PTK2: variants seen among roughly 807,000 people sequenced by gnomAD.
PTK2 encodes protein tyrosine kinase 2.
In PTK2, 45 loss-of-function variants were observed where a neutral mutation model predicts 150.1. That is an observed-to-expected ratio of 0.30 (90% CI 0.24 to 0.38). PTK2 has a LOEUF of 0.38. PTK2 is among the 10% of genes least tolerant of loss of function. The probability of loss-of-function intolerance (pLI) is 1.00; values close to 1 mark genes in which losing one functional copy is unlikely to be tolerated. For synonymous variants in PTK2, 432 were observed against 449.2 expected (o/e 0.96, Z 0.48); for missense variants, 919 against 1,307.3 (o/e 0.70, Z 4.58).
intron 31 of PTK2, chr8:140,662,993 T>C (rs1474654976): frequency 7.6e-6 from 3 of 394,328 alleles, no homozygotes; most frequent in South Asian, 1.0e-4. Flanking sequence ...AGTGTAATCC[T>C]GGTCTGGCTC....
At chr8:140,727,027 G>A (rs2100046268) in intron 22 of PTK2, among the ~76,000 whole-genome samples, 1 of 152,156 alleles carries the variant, frequency 6.6e-6, no homozygotes, top group Non-Finnish European at 1.5e-5. Context: ...ACTAAACTAT[G>A]AAAAGTTAAG....
intron 2 of PTK2, chr8:140,920,865 T>C: frequency 6.5e-7 from 1 of 1,529,062 alleles, no homozygotes; most frequent in African/African-American, 1.4e-5. Context: ...TCCATATAGA[T>C]GGCACCTGCT....
At chr8:140,679,682 G>A (rs2100015982) in intron 27 of PTK2, among the ~76,000 whole-genome samples, 1 of 152,136 alleles carries the variant, frequency 6.6e-6, no homozygotes, top group Non-Finnish European at 1.5e-5. Context: ...AAATGAACAT[G>A]CTGTCAACCT....
chr8:140,958,859 C>A (rs140363895), intron 1 of PTK2, among the ~76,000 whole-genome samples: 170 of 152,232 alleles, frequency 1.1e-3, no homozygotes, highest in African/African-American at 3.9e-3. Flanking sequence ...CACCGTTATA[C>A]CAGTTTTATT....
At chr8:140,848,071 C>T (rs908188750) in intron 5 of PTK2, among the ~76,000 whole-genome samples, 1 of 152,182 alleles carries the variant, frequency 6.6e-6, no homozygotes, top group African/African-American at 2.4e-5. Flanking sequence ...AGTATAAACT[C>T]CACTTTCAAC....
At chr8:140,864,385 A>T in exon 5 of PTK2, 1 of 1,574,918 alleles carries the variant, frequency 6.3e-7, no homozygotes, top group Non-Finnish European at 8.7e-7. Flanking sequence ...CAAATAACGA[A>T]TTCTCAATTC....
chr8:140,705,700 T>C (rs1302280967), intron 24 of PTK2, among the ~76,000 whole-genome samples: 1 of 152,256 alleles, frequency 6.6e-6, no homozygotes, highest in Non-Finnish European at 1.5e-5. Flanking sequence ...TTGCACAGGA[T>C]ATCTATCTAT....
chr8:140,835,887 G>C (rs1254303174), intron 7 of PTK2, among the ~76,000 whole-genome samples: 3 of 152,026 alleles, frequency 2.0e-5, no homozygotes, highest in Admixed American at 6.6e-5. Flanking sequence ...CCAAAGATGT[G>C]CATGTTAGGG....
At chr8:140,966,780 T>A (rs1434810202) in intron 1 of PTK2, among the ~76,000 whole-genome samples, 6 of 152,228 alleles carry the variant, frequency 3.9e-5, no homozygotes, top group Admixed American at 3.9e-4. Flanking sequence ...CCTTTGTGCA[T>A]GAATGAGTGT....
At chr8:140,723,592 T>C (rs1423617880) in intron 22 of PTK2, among the ~76,000 whole-genome samples, 1 of 152,178 alleles carries the variant, frequency 6.6e-6, no homozygotes, top group East Asian at 1.9e-4. Context: ...CTGAAGCATA[T>C]TTTCCCAAAC....
chr8:140,687,845 A>G (rs1368483282), intron 26 of PTK2, among the ~76,000 whole-genome samples: 1 of 152,126 alleles, frequency 6.6e-6, no homozygotes, highest in Non-Finnish European at 1.5e-5. Flanking sequence ...GGTAAAAACA[A>G]ACTTTCCAGG....
chr8:140,832,686 A>G (rs2100116184), intron 7 of PTK2, among the ~76,000 whole-genome samples: 1 of 152,106 alleles, frequency 6.6e-6, no homozygotes, highest in African/African-American at 2.4e-5. Context: ...GCTACTGTGG[A>G]CAAAGAGGCA....
chr8:140,855,903 T>A (rs1247799696), intron 5 of PTK2, among the ~76,000 whole-genome samples: 10 of 152,122 alleles, frequency 6.6e-5, no homozygotes, highest in Non-Finnish European at 1.5e-4. Context: ...ACTGCACACT[T>A]AAAAATGGTT....
At chr8:140,784,157 GA>G (rs1179920771) in intron 14 of PTK2, among the ~76,000 whole-genome samples, 10 of 152,000 alleles carry the variant, frequency 6.6e-5, no homozygotes, top group Admixed American at 2.0e-4. Context: ...AAAGTGGGGG[GA>G]AAAAAACTAT....
chr8:140,855,746 A>G (rs1344820299), intron 5 of PTK2, among the ~76,000 whole-genome samples: 1 of 152,180 alleles, frequency 6.6e-6, no homozygotes, highest in East Asian at 1.9e-4. Flanking sequence ...TAGAGACAGA[A>G]AGTAGAATGG....
chr8:140,929,193 C>T (rs951303413), intron 1 of PTK2, among the ~76,000 whole-genome samples: 1 of 151,338 alleles, frequency 6.6e-6, no homozygotes, highest in Non-Finnish European at 1.5e-5. Flanking sequence ...TCTCGATCTC[C>T]TGACCTCGTG....
At chr8:140,694,938 C>A (rs1334343811) in intron 26 of PTK2, among the ~76,000 whole-genome samples, 1 of 152,184 alleles carries the variant, frequency 6.6e-6, no homozygotes, top group Non-Finnish European at 1.5e-5. Flanking sequence ...CAGGGTGGCC[C>A]TCACACTACA....
chr8:140,664,743 G>A (rs572888802), intron 31 of PTK2, among the ~76,000 whole-genome samples, 174 bp downstream of exon 35: 10 of 152,280 alleles, frequency 6.6e-5, no homozygotes, highest in African/African-American at 2.4e-4. Context: ...GCCCTAGAAT[G>A]AACAGCCCCG....
chr8:140,681,810 G>C (rs1258284270), intron 27 of PTK2, among the ~76,000 whole-genome samples: 3 of 152,202 alleles, frequency 2.0e-5, no homozygotes, highest in African/African-American at 7.2e-5. Context: ...ACGTTAGGAA[G>C]GACTGGGAAT....
Sources: gnomAD v4.1 joint callset for allele counts (sites outside exome capture counted in the v4.1 genomes callset) on GRCh38, gnomAD v4.1.1 for gene constraint, MANE v1.5 for transcripts, NCBI Gene and HGNC (gene_info 2026-07-23, HGNC 2026-07-21) for gene names.